Variants in BASP1 observed in about 807,000 individuals in gnomAD.
BASP1 encodes brain acid soluble protein 1.
A neutral mutation model predicts 2.2 loss-of-function variants in BASP1; 1 was observed. The ratio of observed to expected loss-of-function variants is 0.46; its 90% CI spans 0.16 to 2.17. The LOEUF (loss-of-function observed/expected upper bound fraction) is 2.17, where lower values mean the gene tolerates loss of function less well. BASP1 is among the 30% of genes most tolerant of loss of function. The pLI is 0.27. For missense variants in BASP1, 352 were observed against 327.2 expected (o/e 1.08, Z -0.58); for synonymous variants, 187 against 154.2 (o/e 1.21, Z -1.58).
chr5:17,225,654 A>C lies in BASP1; in HGVS notation c.-10+7844A>C, dbSNP rs189487440. ...CTGGCTTTAGACTTATTTGGGGGCT[A>C]TAGAGCAAGCGGAGCAGTCAGGCAT... On this transcript the variant is annotated intron_variant, in intron 1 of 1. Coordinates refer to ENST00000322611, the MANE Select transcript of BASP1 (RefSeq NM_006317.5). Among the ~76,000 whole-genome samples the C allele has an allele frequency of 2.8e-3, 420 of 152,308 alleles. 1 individual carries two copies. The highest frequency in any genetic ancestry group is 3.6e-3 in the Non-Finnish European group (243 of 68,026).
At position 17,264,245 on chromosome 5, in the gene BASP1, GC is replaced by G. The variant is rs571142343; in HGVS notation, c.-9-10962del. Among the ~76,000 whole-genome samples the G allele has an allele frequency of 3.2e-4, 48 of 152,262 alleles. No homozygotes were observed. In the South Asian group the frequency reaches 7.7e-3, roughly 24 times the overall value. On this transcript the variant is annotated intron_variant, in intron 1 of 1. Transcript: ENST00000322611. ...ATTGAAAATACTTTGTATGTGTTGT[GC>G]TTTTTTATTGTTTGTAAATTCTTTT...
intron 1 of BASP1, among the ~76,000 whole-genome samples, chr5:17,225,246 A>ATT (rs138914152): frequency 2.0e-5 from 3 of 148,238 alleles, no homozygotes; most frequent in African/African-American, 7.4e-5. Context: ...TTTTTCTACC[A>ATT]TTTTTTTTTG....
intron 1 of BASP1, among the ~76,000 whole-genome samples, chr5:17,258,081 G>A (rs1297183702): frequency 6.6e-6 from 1 of 152,194 alleles, no homozygotes; most frequent in Non-Finnish European, 1.5e-5. Context: ...GTTGGCTGCT[G>A]GGGAAATTCT....
chr5:17,272,447 G>A (rs930607643), intron 1 of BASP1, among the ~76,000 whole-genome samples: 5 of 152,070 alleles, frequency 3.3e-5, no homozygotes, highest in Non-Finnish European at 2.9e-5. Context: ...ATGGGTAAAA[G>A]GAGAATGTGA....
intron 1 of BASP1, among the ~76,000 whole-genome samples, chr5:17,231,498 T>A (rs1244381072): frequency 6.6e-6 from 1 of 152,198 alleles, no homozygotes; most frequent in Non-Finnish European, 1.5e-5. Context: ...CATGTTCACC[T>A]TCTATTTTCG....
intron 1 of BASP1, among the ~76,000 whole-genome samples, chr5:17,219,748 C>T (rs1231372522): frequency 1.3e-5 from 2 of 152,148 alleles, no homozygotes; most frequent in East Asian, 3.9e-4. Flanking sequence ...AAACGATTAC[C>T]TTGTCGGGAT....
chr5:17,246,895 A>G (rs1364108785), intron 1 of BASP1, among the ~76,000 whole-genome samples: 9 of 152,144 alleles, frequency 5.9e-5, no homozygotes, highest in East Asian at 3.9e-4. Flanking sequence ...ATCACCTTAT[A>G]AAAGTCATTT....
chr5:17,264,877 G>T (rs1382436480), intron 1 of BASP1, among the ~76,000 whole-genome samples: 1 of 152,100 alleles, frequency 6.6e-6, no homozygotes, highest in Non-Finnish European at 1.5e-5. Context: ...AGTGGATAGG[G>T]CCTTTGTATG....
intron 1 of BASP1, among the ~76,000 whole-genome samples, chr5:17,255,746 ATGCAT>A (rs59409339): frequency 0.36 from 55,285 of 151,604 alleles, 10,825 homozygotes; most frequent in Non-Finnish European, 0.44. Context: ...CTCATGTTAA[ATGCAT>A]CTCTTTCACT....
At chr5:17,225,584 C>A (rs1033036897) in intron 1 of BASP1, among the ~76,000 whole-genome samples, 2 of 152,146 alleles carry the variant, frequency 1.3e-5, no homozygotes, top group African/African-American at 4.8e-5. Flanking sequence ...TGGTTGGGGG[C>A]TGGGAAGCTG....
In BASP1 at chr5:17,275,364, G is replaced by A. The variant is rs746697251; in HGVS notation, c.148G>A (p.Glu50Lys). The change falls in exon 2 of 2, where the codon GAG becomes AAG. Residue 50 changes from glutamate to lysine, a missense_variant. By Grantham distance (56) the Glu-to-Lys change is moderately conservative (BLOSUM62 1). Transcript: ENST00000322611. The surrounding 1 kb of genome is among the most constrained non-coding windows in gnomAD (Gnocchi z 5.3). ...SEPQAAAEPA[E>K]AKEGKEKPDQ... ...GCCCCAGGCGGCCGCAGAGCCCGCC[G>A]AGGCCAAGGAGGGCAAGGAGAAGCC... 1 of 1,599,356 alleles carries A rather than the reference G, an allele frequency of 6.3e-7. No homozygotes were observed.
At chr5:17,267,440 T>A (rs1224562695) in intron 1 of BASP1, among the ~76,000 whole-genome samples, 1 of 152,238 alleles carries the variant, frequency 6.6e-6, no homozygotes, top group Admixed American at 6.5e-5. Context: ...CTAAATATAA[T>A]TGAAAATGTT....
rs1007524167 is a variant in BASP1, at chr5:17,236,811, G to A, written c.-10+19001G>A. On this transcript the variant is annotated intron_variant, in intron 1 of 1. Transcript: ENST00000322611. This position sits in a 1 kb window ranked among gnomAD's most constrained non-coding sequence, Gnocchi z 4.0. ...TCTTAACTAGACCCATATCTTAAGG[G>A]AAAAAAATGTTTTTAGTACTTTTCT... 3.0e-4 allele frequency among the ~76,000 whole-genome samples: 45 copies of A among 152,142 alleles called. No homozygotes were observed. Among genetic ancestry groups the A allele is most frequent in the African/African-American group, 9.9e-4 (41 of 41,518 alleles).
rs1740102494 is a variant in BASP1 at position 17,251,550 on chromosome 5, G to A, written c.-9-23658G>A. Among the ~76,000 whole-genome samples, 2 of 152,228 alleles carry A rather than the reference G, an allele frequency of 1.3e-5. No homozygotes were observed. The highest frequency in any genetic ancestry group is 4.8e-5 in the African/African-American group (2 of 41,468). On this transcript the variant is annotated intron_variant, in intron 1 of 1. Coordinates refer to ENST00000322611, the MANE Select transcript of BASP1 (RefSeq NM_006317.5). The surrounding 1 kb of genome is among the most constrained non-coding windows in gnomAD (Gnocchi z 4.0). ...CTGGAGCTCCAACTGTCTTTGTCTA[G>A]CAGCAGGAGGAGGTAGGGAAGAACA... is the stretch of plus-strand genomic sequence containing the variant.
At chr5:17,228,766 T>C (rs1561165024) in intron 1 of BASP1, among the ~76,000 whole-genome samples, 1 of 152,228 alleles carries the variant, frequency 6.6e-6, no homozygotes, top group Non-Finnish European at 1.5e-5. Context: ...AGATCCGTAG[T>C]TCCTACCTGT....
chr5:17,250,099 G>A (rs1043768100), intron 1 of BASP1, among the ~76,000 whole-genome samples: 23 of 152,018 alleles, frequency 1.5e-4, no homozygotes, highest in Admixed American at 3.3e-4. Context: ...GTGCCACCAC[G>A]CCCAGCTAAT....
chr5:17,245,309 A>G (rs1739955586), intron 1 of BASP1, among the ~76,000 whole-genome samples: 1 of 138,308 alleles, frequency 7.2e-6, no homozygotes, highest in Non-Finnish European at 1.5e-5. Flanking sequence ...CTCCGTCTCA[A>G]AAAAAAAAAA....
At position 17,260,509 on chromosome 5, in the gene BASP1, A is replaced by G. The variant is rs1740293668; in HGVS notation, c.-9-14699A>G. 6.6e-6 allele frequency among the ~76,000 whole-genome samples: 1 copy of G among 152,116 alleles called. No individual in the cohort carries two copies. ...TATGTGCTGAGTCCCGGTGGCAGAG[A>G]GTTTGTGATCATGGATGGCGCCTGG... On this transcript the variant is annotated intron_variant, in intron 1 of 1. Coordinates refer to ENST00000322611, the MANE Select transcript of BASP1 (RefSeq NM_006317.5). The surrounding 1 kb of genome is among the most constrained non-coding windows in gnomAD (Gnocchi z 4.2).
At chr5:17,240,554 AAAT>A (rs1259797139) in intron 1 of BASP1, 2 of 152,086 alleles carry the variant, frequency 1.3e-5, no homozygotes, top group African/African-American at 2.4e-5. Flanking sequence ...AAGTAAAATA[AAAT>A]AATAAAATAA....
Sources: allele counts gnomAD v4.1 joint callset (sites outside exome capture counted in the v4.1 genomes callset), GRCh38; gene constraint gnomAD v4.1.1; non-coding constraint Gnocchi (gnomAD v3.1); transcripts MANE v1.5; gene names NCBI Gene and HGNC (gene_info 2026-07-23, HGNC 2026-07-21).